The following TOP2B variants were observed in gnomAD, a reference collection of about 807,000 sequenced individuals.
TOP2B encodes the protein DNA topoisomerase II beta.
A neutral mutation model predicts 193.5 loss-of-function variants in TOP2B; 51 were observed. The observed-to-expected ratio is 0.26, with a 90% CI of 0.21 to 0.33. The LOEUF is 0.33. Among genes scored for constraint, TOP2B ranks in the 10% least tolerant of loss-of-function variants. TOP2B has a pLI of 1.00. For missense variants in TOP2B, 1,378 were observed against 1,909.3 expected, an observed-to-expected ratio of 0.72 and a Z score of 5.19; for synonymous variants, 634 against 635.7, an observed-to-expected ratio of 1.00 and a Z score of 0.04.
Position 25,624,626 on chromosome 3 carries a change from A to G in TOP2B, c.2346+56T>C, listed in dbSNP as rs1325462531. 4.4e-6 allele frequency: 7 copies of G among 1,597,830 alleles called. No individual in the cohort carries two copies. In the African/African-American group the frequency reaches 9.5e-5, roughly 22 times the overall value. On this transcript the variant is annotated intron_variant, in intron 19 of 35. Transcript: ENST00000264331. The stretch of plus-strand genomic sequence containing the variant: ...TAAAGGAAAAATACTATGTGTAATT[A>G]TCATTCTTCAAGACAATAATTACAG...
chr3:25,606,006 T>A lies in TOP2B; in HGVS notation c.4378+37A>T, dbSNP rs181482666. 3.0e-3 allele frequency: 3,716 copies of A among 1,221,354 alleles called. 10 individuals are homozygous for A. Among genetic ancestry groups the A allele is most frequent in the Non-Finnish European group, 3.5e-3 (3,152 of 901,020 alleles). The allele number at this position is 1,221,354 out of a possible 1,614,324, so 75.7% of individuals were successfully genotyped here. ...GTTTTCTCTCCACCACTAAAAGCAA[T>A]AATACAATAACCAATGAAAAGACTA... On this transcript the variant is annotated intron_variant, in intron 32 of 35. Coordinates refer to ENST00000264331, the MANE Select transcript of TOP2B (RefSeq NM_001330700.2).
chr3:25,638,038 G>T, intron 5 of TOP2B, 127 bp downstream of exon 5: 3 of 900,764 alleles, frequency 3.3e-6, no homozygotes, highest in Non-Finnish European at 5.0e-6. Context: ...ATTTATACAT[G>T]ATAGTTTATA....
At position 25,615,536 on chromosome 3, in the gene TOP2B, A is replaced by G. The variant is rs2125358615; in HGVS notation, c.3402T>C (p.Asp1134=). 1 of 1,576,530 alleles carries G rather than the reference A, an allele frequency of 6.3e-7. No individual in the cohort carries two copies. The highest frequency in any genetic ancestry group is 1.2e-5 in the South Asian group (1 of 85,260). ...AATCTGGGCCTGAAGGAGTTCCTGAATCGGAGGAACTATCATCATGCTGGT... is the reference window on the plus strand; with the variant it reads ...AATCTGGGCCTGAAGGAGTTCCTGAGTCGGAGGAACTATCATCATGCTGGT... The part of the protein sequence containing the change: ...TQNQHDDSSS[D]SGTPSGPDFN... The change falls in exon 26 of 36, where the codon GAT becomes GAC. Residue 1134 remains aspartate, a synonymous_variant. Transcript: ENST00000264331.
chr3:25,613,072 A>T (rs1702417884), intron 27 of TOP2B, among the ~76,000 whole-genome samples: 1 of 152,218 alleles, frequency 6.6e-6, no homozygotes, highest in East Asian at 1.9e-4. Flanking sequence ...AGTTCTGCTA[A>T]TAAGTATGAA....
intron 19 of TOP2B, 26 bp from the exon 20 acceptor site, chr3:25,624,471 T>C: frequency 1.3e-6 from 2 of 1,596,962 alleles, no homozygotes; most frequent in Non-Finnish European, 1.7e-6. Context: ...AGGCAGAACA[T>C]AACATTAATA....
chr3:25,615,678 T>G (rs1702485244), intron 25 of TOP2B, 92 bp from the exon 26 acceptor site: 10 of 1,094,212 alleles, frequency 9.1e-6, no homozygotes, highest in Non-Finnish European at 1.2e-5. Flanking sequence ...ATTCTACAAG[T>G]GCTACACTAT....
intron 33 of TOP2B, among the ~76,000 whole-genome samples, chr3:25,603,775 A>G (rs1030717858): frequency 1.3e-5 from 2 of 152,254 alleles, no homozygotes; most frequent in Non-Finnish European, 2.9e-5. Flanking sequence ...TTTGAGTCCC[A>G]GTGTGAAACA....
chr3:25,644,024 T>C (rs747440864), intron 2 of TOP2B, among the ~76,000 whole-genome samples: 4 of 151,752 alleles, frequency 2.6e-5, no homozygotes, highest in Non-Finnish European at 4.4e-5. Context: ...ATGTAAGACA[T>C]CAATAATTAT....
chr3:25,609,391 A>G, intron 29 of TOP2B, 47 bp from the exon 30 acceptor site: 1 of 1,498,114 alleles, frequency 6.7e-7, no homozygotes, highest in Non-Finnish European at 8.9e-7. Context: ...ATTTATAGAA[A>G]TGTCATTAGT....
At chr3:25,640,443 T>C (rs1703224643) in intron 4 of TOP2B, among the ~76,000 whole-genome samples, 1 of 152,120 alleles carries the variant, frequency 6.6e-6, no homozygotes, top group African/African-American at 2.4e-5. Flanking sequence ...GATTTTTGTT[T>C]ATATTGAAAT....
intron 3 of TOP2B, among the ~76,000 whole-genome samples, 198 bp downstream of exon 3, chr3:25,643,496 A>G (rs1430779570): frequency 6.6e-6 from 1 of 152,222 alleles, no homozygotes; most frequent in East Asian, 1.9e-4. Context: ...AGATGAAGAA[A>G]ATGAAACAAA....
rs115978045 is a variant in TOP2B at position 25,654,234 on chromosome 3, T to C, written c.70-8764A>G. Among the ~76,000 whole-genome samples the C allele has an allele frequency of 2.0e-3, 312 of 152,290 alleles. 2 individuals carry two copies. Among genetic ancestry groups the C allele is most frequent in the Non-Finnish European group, 3.5e-3 (239 of 68,018 alleles). ...TCCACAGAAAAACTATTACAACTAA[T>C]AAATGATTTCAGCAAGTTGCAGGAT... is the stretch of plus-strand genomic sequence containing the variant. On this transcript the variant is annotated intron_variant, in intron 1 of 35. Coordinates refer to ENST00000264331, the MANE Select transcript of TOP2B (RefSeq NM_001330700.2).
intron 28 of TOP2B, 108 bp from the exon 29 acceptor site, chr3:25,609,820 A>G: frequency 3.5e-6 from 4 of 1,148,440 alleles, no homozygotes; most frequent in Non-Finnish European, 4.7e-6. Flanking sequence ...AAATTTAAAA[A>G]CAGTGATTCT....
intron 1 of TOP2B, among the ~76,000 whole-genome samples, chr3:25,662,387 G>C (rs1001267210): frequency 6.6e-6 from 1 of 152,148 alleles, no homozygotes; most frequent in African/African-American, 2.4e-5. Flanking sequence ...TATAACCTTA[G>C]AGTAAGCATC....
chr3:25,632,891 T>TA lies in TOP2B; in HGVS notation c.1027-98dup, dbSNP rs1218849570. 4 of 1,032,070 alleles carry TA rather than the reference T, an allele frequency of 3.9e-6. No individual in the cohort carries two copies. In the African/African-American group the frequency reaches 6.5e-5, roughly 17 times the overall value. 63.9% of individuals were successfully genotyped at this position (1,032,070 alleles called of 1,614,324 possible). ...TAAACCCTATTTTCTAAAAGAGTAA[T>TA]AGAGTCTCAGAACGAGAGTTGAGAT... On this transcript the variant is annotated intron_variant, in intron 8 of 35. Coordinates refer to ENST00000264331, the MANE Select transcript of TOP2B (RefSeq NM_001330700.2).
intron 2 of TOP2B, 110 bp downstream of exon 2, chr3:25,645,190 G>C (rs1703381345): frequency 2.0e-6 from 2 of 1,021,944 alleles, no homozygotes; most frequent in Admixed American, 2.4e-5. Flanking sequence ...GACTATGACA[G>C]ATGAAATTAC....
intron 5 of TOP2B, 32 bp downstream of exon 5, chr3:25,638,133 A>AT: frequency 6.5e-7 from 1 of 1,536,010 alleles, no homozygotes; most frequent in Non-Finnish European, 8.8e-7. Flanking sequence ...AGAAAACAGT[A>AT]TTTTTCAACC....
At chr3:25,659,532 T>C (rs1703849267) in intron 1 of TOP2B, among the ~76,000 whole-genome samples, 1 of 152,232 alleles carries the variant, frequency 6.6e-6, no homozygotes, top group Non-Finnish European at 1.5e-5. Context: ...ATAGACACTG[T>C]TATAATTCCC....
chr3:25,654,496 T>C (rs1008176430), intron 1 of TOP2B, among the ~76,000 whole-genome samples: 8 of 152,168 alleles, frequency 5.3e-5, no homozygotes, highest in African/African-American at 1.9e-4. Context: ...ATTGTTAAAA[T>C]GTCCAAACTA....
Sources: allele counts gnomAD v4.1 joint callset (sites outside exome capture counted in the v4.1 genomes callset), GRCh38; gene constraint gnomAD v4.1.1; transcripts MANE v1.5; gene names NCBI Gene and HGNC (gene_info 2026-07-23, HGNC 2026-07-21).